GUCY1B1: variants seen among roughly 807,000 people sequenced by gnomAD.
The protein encoded by GUCY1B1 is guanylate cyclase soluble subunit beta-1.
In GUCY1B1, 43 loss-of-function variants were observed where a neutral mutation model predicts 71.0. That is an observed-to-expected ratio of 0.61 (90% CI 0.47 to 0.78). The LOEUF is 0.78. Among genes scored for constraint, GUCY1B1 ranks in the 30% least tolerant of loss-of-function variants. The probability of loss-of-function intolerance (pLI) is 0.00; values close to 1 mark genes in which losing one functional copy is unlikely to be tolerated. For missense variants in GUCY1B1, 535 were observed against 754.1 expected, an observed-to-expected ratio of 0.71 and a Z score of 3.40; for synonymous variants, 266 against 259.7, an observed-to-expected ratio of 1.02 and a Z score of -0.23.
intron 5 of GUCY1B1, among the ~76,000 whole-genome samples, chr4:155,791,697 C>G (rs975455878): frequency 3.4e-5 from 5 of 146,972 alleles, no homozygotes; most frequent in Non-Finnish European, 7.4e-5. Flanking sequence ...CGCCACTGCA[C>G]TCCAGTCTGG....
chr4:155,786,903 G>A (rs1042771664), intron 4 of GUCY1B1, among the ~76,000 whole-genome samples: 1 of 152,170 alleles, frequency 6.6e-6, no homozygotes, highest in South Asian at 2.1e-4. Context: ...GAGCACGCCT[G>A]GCCTCAATTT....
chr4:155,771,589 A>G (rs963597214), intron 2 of GUCY1B1, among the ~76,000 whole-genome samples: 5 of 152,202 alleles, frequency 3.3e-5, no homozygotes, highest in African/African-American at 1.2e-4. Flanking sequence ...ATATTCTGTC[A>G]GAGTCTCCAA....
chr4:155,796,098 A>G (rs1739536387), intron 7 of GUCY1B1, among the ~76,000 whole-genome samples: 1 of 152,190 alleles, frequency 6.6e-6, no homozygotes, highest in South Asian at 2.1e-4. Flanking sequence ...CCGGAAAATC[A>G]GGGGGATAAA....
chr4:155,796,935 G>T (rs1225151840), intron 8 of GUCY1B1, among the ~76,000 whole-genome samples: 2 of 152,020 alleles, frequency 1.3e-5, no homozygotes, highest in African/African-American at 4.8e-5. Context: ...AATCTAAAAG[G>T]TCTCTTTCTG....
At position 155,775,073 on chromosome 4, in the gene GUCY1B1, G is replaced by A; in HGVS notation, c.178+5G>A. Reference sequence around the variant, plus strand: ...CTGCTGCAAGCAAAGTCCTCAGTAAGTTGAATGCAACTTTCCTTCTTTGGC... The same window carrying A: ...CTGCTGCAAGCAAAGTCCTCAGTAAATTGAATGCAACTTTCCTTCTTTGGC... On this transcript the variant is annotated splice_donor_5th_base_variant and intron_variant, in intron 3 of 13. Transcript: ENST00000264424. 6.8e-7 allele frequency: 1 copy of A among 1,476,576 alleles called. No individual in the cohort carries two copies. Among genetic ancestry groups the A allele is most frequent in the Non-Finnish European group, 9.5e-7 (1 of 1,055,414 alleles). The allele number at this position is 1,476,576 out of a possible 1,614,324, so 91.5% of individuals were successfully genotyped here.
At chr4:155,772,483 C>T (rs769963599) in intron 2 of GUCY1B1, 6 of 446,100 alleles carry the variant, frequency 1.3e-5, no homozygotes, top group Admixed American at 6.9e-5. Flanking sequence ...GGCAAGATCA[C>T]GCCTCACTGA....
chr4:155,806,012 G>A (rs759878460), intron 13 of GUCY1B1, among the ~76,000 whole-genome samples: 18 of 152,132 alleles, frequency 1.2e-4, no homozygotes, highest in East Asian at 3.9e-4. Flanking sequence ...GGATAAGACT[G>A]CATGCTCATA....
chr4:155,789,966 A>G (rs1004784943), intron 5 of GUCY1B1, 55 bp downstream of exon 5: 8 of 1,149,966 alleles, frequency 7.0e-6, no homozygotes, highest in Admixed American at 2.0e-5. Flanking sequence ...AAATATTTTA[A>G]ATGACACTCT....
At chr4:155,794,444 T>G (rs923402477) in intron 6 of GUCY1B1, among the ~76,000 whole-genome samples, 4 of 152,162 alleles carry the variant, frequency 2.6e-5, no homozygotes, top group African/African-American at 9.7e-5. Flanking sequence ...GTAAATAGCT[T>G]TAAAAATCAA....
chr4:155,795,395 A>G lies in GUCY1B1; in HGVS notation c.781A>G (p.Ile261Val), dbSNP rs1739477445. Residue 261 changes from isoleucine to valine, a missense_variant, in exon 7 of 14, where the codon ATT (isoleucine) becomes GTT (valine). Transcript: ENST00000264424. ...TGTCTTCTCGCTGGTTCGTCCTCAT[A>G]TTGATATTAGTTTCCATGGGATCCT... Reference protein sequence around the residue: ...LSVFSLVRPHIDISFHGILSH... With the variant: ...LSVFSLVRPHVDISFHGILSH... 1.9e-6 allele frequency: 3 copies of G among 1,611,050 alleles called. No homozygotes were observed. The East Asian group carries it at 6.7e-5, about 36-fold the overall frequency.
In GUCY1B1 at chr4:155,802,450, G is replaced by A; in HGVS notation, c.1284G>A (p.Val428=). ...TGACCATCCTCTTTAGTGGCATTGT[G>A]GGCTTCAATGCTTTCTGTAGCAAGC... ...DNVTILFSGI[V]GFNAFCSKHA... The change falls in exon 10 of 14, where the codon GTG becomes GTA. Residue 428 remains valine, a synonymous_variant. Coordinates refer to ENST00000264424, the MANE Select transcript of GUCY1B1 (RefSeq NM_000857.5). The surrounding 1 kb of genome is among the most constrained non-coding windows in gnomAD (Gnocchi z 4.3). The A allele has an allele frequency of 6.2e-7, 1 of 1,613,728 alleles. No individual in the cohort carries two copies. Among genetic ancestry groups the A allele is most frequent in the Non-Finnish European group, 8.5e-7 (1 of 1,179,758 alleles).
intron 5 of GUCY1B1, among the ~76,000 whole-genome samples, chr4:155,791,138 A>G (rs944180785): frequency 6.6e-6 from 1 of 150,462 alleles, no homozygotes; most frequent in Non-Finnish European, 1.5e-5. Context: ...TTTTTGAGAC[A>G]GAGTCTCACT....
intron 2 of GUCY1B1, among the ~76,000 whole-genome samples, chr4:155,761,576 C>CT (rs1444161116): frequency 6.6e-6 from 1 of 152,072 alleles, no homozygotes; most frequent in Non-Finnish European, 1.5e-5. Context: ...AAAAATAATA[C>CT]TTTATAGAGT....
intron 2 of GUCY1B1, among the ~76,000 whole-genome samples, chr4:155,766,746 T>C (rs1463931056): frequency 1.3e-5 from 2 of 152,200 alleles, no homozygotes; most frequent in Non-Finnish European, 2.9e-5. Flanking sequence ...CAGGACATGA[T>C]TGAATCCTTT....
chr4:155,784,888 A>G (rs1385768137), intron 4 of GUCY1B1, among the ~76,000 whole-genome samples: 4 of 152,172 alleles, frequency 2.6e-5, no homozygotes, highest in Admixed American at 6.5e-5. Flanking sequence ...GAAAATGTGC[A>G]TTTATTTTGA....
chr4:155,773,976 C>T (rs751193224), intron 2 of GUCY1B1, among the ~76,000 whole-genome samples: 1 of 152,168 alleles, frequency 6.6e-6, no homozygotes, highest in Non-Finnish European at 1.5e-5. Context: ...CATGAGCCAC[C>T]GCGCCCAGCC....
intron 5 of GUCY1B1, among the ~76,000 whole-genome samples, chr4:155,792,936 A>G (rs1285454965): frequency 6.6e-6 from 1 of 152,242 alleles, no homozygotes; most frequent in Non-Finnish European, 1.5e-5. Flanking sequence ...ATTTGCAATT[A>G]AATCAAAGAA....
chr4:155,774,874 G>A, intron 2 of GUCY1B1, 94 bp from the exon 3 acceptor site: 1 of 766,002 alleles, frequency 1.3e-6, no homozygotes, highest in South Asian at 1.5e-5. Flanking sequence ...CTATTTCAGA[G>A]ATAAAGCCAT....
At chr4:155,784,396 A>G (rs1171730852) in intron 4 of GUCY1B1, among the ~76,000 whole-genome samples, 2 of 152,128 alleles carry the variant, frequency 1.3e-5, no homozygotes, top group Non-Finnish European at 2.9e-5. Context: ...TTGATGTTCC[A>G]TTTTACTTAG....
Sources: allele counts gnomAD v4.1 joint callset (sites outside exome capture counted in the v4.1 genomes callset), GRCh38; gene constraint gnomAD v4.1.1; non-coding constraint Gnocchi (gnomAD v3.1); transcripts MANE v1.5; gene names NCBI Gene and HGNC (gene_info 2026-07-23, HGNC 2026-07-21).